The following EYS variants were observed in gnomAD, a reference collection of about 807,000 sequenced individuals.
EYS encodes EGF-like photoreceptor maintenance factor, also known as protein eyes shut homolog.
EYS carries 250 observed loss-of-function variants against 282.1 expected under a neutral mutation model. The ratio of observed to expected loss-of-function variants is 0.89; its 90% CI spans 0.80 to 0.98. The LOEUF is 0.98. EYS is among the 50% of genes least tolerant of loss of function. EYS has a pLI of 0.00. For missense variants in EYS, 4,016 were observed against 3,709.0 expected, an observed-to-expected ratio of 1.08 and a Z score of -2.15; for synonymous variants, 1,355 against 1,282.9, an observed-to-expected ratio of 1.06 and a Z score of -1.20.
At position 64,381,782 on chromosome 6, in the gene EYS, T is replaced by C. The variant is rs145941649; in HGVS notation, c.6078+6908A>G. Among the ~76,000 whole-genome samples the C allele has an allele frequency of 2.4e-3, 364 of 152,328 alleles. 2 individuals carry two copies. The highest frequency in any genetic ancestry group is 8.4e-3 in the African/African-American group (349 of 41,570). On this transcript the variant is annotated intron_variant, in intron 29 of 42. Transcript: ENST00000503581. ...TTTTAATGCAGATTTAGAAAAACTATATATGTATTAAACTTTTCCCTGCAG... is the reference window on the plus strand; with the variant it reads ...TTTTAATGCAGATTTAGAAAAACTACATATGTATTAAACTTTTCCCTGCAG...
At chr6:65,395,635 T>A (rs1310771098) in intron 7 of EYS, among the ~76,000 whole-genome samples, 1 of 152,178 alleles carries the variant, frequency 6.6e-6, no homozygotes, top group Non-Finnish European at 1.5e-5. Flanking sequence ...CAGAAGTTAT[T>A]CATCTTTTTC....
At chr6:64,093,213 C>A (rs879935704) in intron 31 of EYS, among the ~76,000 whole-genome samples, 1 of 136,870 alleles carries the variant, frequency 7.3e-6, no homozygotes, top group Non-Finnish European at 1.6e-5. Flanking sequence ...GTTCTTTTGG[C>A]TTAGGATTGA....
In EYS at chr6:64,850,470, A is replaced by G. The variant is rs1312576217; in HGVS notation, c.2993-27648T>C. Among the ~76,000 whole-genome samples the G allele has an allele frequency of 2.0e-5, 3 of 152,200 alleles. No individual in the cohort carries two copies. The South Asian group carries it at 6.2e-4, about 32-fold the overall frequency. ...CTGAAGAAGTAACTTGAAATGAGAT[A>G]TGGTAGAAGTTAATTAGGTGAATAG... On this transcript the variant is annotated intron_variant, in intron 19 of 42. Transcript: ENST00000503581.
intron 22 of EYS, among the ~76,000 whole-genome samples, chr6:64,685,068 G>T (rs1431664096): frequency 6.6e-6 from 1 of 151,910 alleles, no homozygotes; most frequent in African/African-American, 2.4e-5. Context: ...GAAAGCAAAG[G>T]TAAAAGATGA....
At chr6:65,032,677 C>CTT (rs908502663) in intron 13 of EYS, among the ~76,000 whole-genome samples, 2 of 147,154 alleles carry the variant, frequency 1.4e-5, no homozygotes, top group South Asian at 2.2e-4. Flanking sequence ...ATATCTCTCT[C>CTT]TTTTTTTTTT....
intron 1 of EYS, among the ~76,000 whole-genome samples, chr6:65,679,229 CA>C (rs34416868): frequency 0.22 from 33,764 of 151,734 alleles, 4,541 homozygotes; most frequent in African/African-American, 0.39. Context: ...CCTTTATTCA[CA>C]AAAACCAAGA....
chr6:64,711,119 G>A (rs771625799), intron 22 of EYS, among the ~76,000 whole-genome samples: 1 of 152,038 alleles, frequency 6.6e-6, no homozygotes, highest in African/African-American at 2.4e-5. Context: ...CTGTAATTAG[G>A]CGTCTCATTA....
intron 36 of EYS, among the ~76,000 whole-genome samples, chr6:63,834,300 C>A (rs1008131629): frequency 1.3e-5 from 2 of 152,134 alleles, no homozygotes; most frequent in African/African-American, 4.8e-5. Flanking sequence ...AAAATTTTTA[C>A]AATCTACCCA....
chr6:64,041,451 A>C (rs2149837524), intron 33 of EYS, among the ~76,000 whole-genome samples: 1 of 152,346 alleles, frequency 6.6e-6, no homozygotes, highest in African/African-American at 2.4e-5. Context: ...CTGAGCCAAA[A>C]GATAAGTGCT....
Position 65,057,660 on chromosome 6 carries a change from A to C in EYS, c.2091T>G (p.Ile697Met). 1 of 1,551,266 alleles carries C rather than the reference A, an allele frequency of 6.4e-7. No individual in the cohort carries two copies. The highest frequency in any genetic ancestry group is 8.7e-7 in the Non-Finnish European group (1 of 1,146,686). Residue 697 changes from isoleucine (I) to methionine (M), a missense_variant, in exon 13 of 43, where the codon ATT becomes ATG. Physicochemically the swap from Ile to Met is conservative, Grantham distance 10 (BLOSUM62 1). Coordinates refer to ENST00000503581, the MANE Select transcript of EYS (RefSeq NM_001142800.2). ...SHPCKNGATCIDQPGNYFCQC... is the reference protein window; with the variant it reads ...SHPCKNGATCMDQPGNYFCQC... ...GGCAGAAGTAATTACCAGGTTGGTC[A>C]ATGCAGGTGGCTCCATTTTTGCAGG...
intron 8 of EYS, among the ~76,000 whole-genome samples, chr6:65,381,056 G>GT (rs1765591380): frequency 6.6e-6 from 1 of 152,072 alleles, no homozygotes; most frequent in Non-Finnish European, 1.5e-5. Flanking sequence ...AAGACAGTGT[G>GT]GTGATTCCTC....
intron 31 of EYS, among the ~76,000 whole-genome samples, chr6:64,215,696 C>G (rs1765908728): frequency 6.6e-6 from 1 of 151,550 alleles, no homozygotes; most frequent in Admixed American, 6.6e-5. Flanking sequence ...AATTTTTTTT[C>G]TATATCCCAG....
At chr6:63,951,639 C>T (rs191998967) in intron 35 of EYS, among the ~76,000 whole-genome samples, 63 of 152,256 alleles carry the variant, frequency 4.1e-4, no homozygotes, top group African/African-American at 1.5e-3. Context: ...ACCCTATAAT[C>T]CTTTTATCTC....
chr6:65,050,548 A>G (rs529873220), intron 13 of EYS, among the ~76,000 whole-genome samples: 2 of 151,700 alleles, frequency 1.3e-5, no homozygotes, highest in South Asian at 2.1e-4. Flanking sequence ...AATATTCTAA[A>G]TTGATCTGGA....
chr6:64,770,871 C>T (rs1041430839), intron 22 of EYS, among the ~76,000 whole-genome samples: 3 of 151,732 alleles, frequency 2.0e-5, no homozygotes, highest in Non-Finnish European at 4.4e-5. Flanking sequence ...TACAGCACAG[C>T]AGAAGTTTGT....
Position 64,081,938 on chromosome 6 carries a change from A to T in EYS, c.6489T>A (p.Phe2163Leu). The change falls in exon 32 of 43, where the codon TTT becomes TTA. Residue 2163 changes from phenylalanine (F) to leucine (L), a missense_variant. Phe to Leu is a conservative substitution (Grantham distance 22, BLOSUM62 0). Coordinates refer to ENST00000503581, the MANE Select transcript of EYS (RefSeq NM_001142800.2). ...TTCTGTTATGTTCCTTCTCCAGGAC[A>T]AACTTCAAAAAGGGCAGTTCTAAAT... The part of the protein sequence containing the change: ...NSYLELPFLK[F>L]VLEKEHNRTV... 1.3e-6 allele frequency: 2 copies of T among 1,545,736 alleles called. No individual in the cohort carries two copies. Among genetic ancestry groups the T allele is most frequent in the Non-Finnish European group, 1.8e-6 (2 of 1,142,086 alleles).
intron 12 of EYS, among the ~76,000 whole-genome samples, chr6:65,236,324 A>C (rs917222531): frequency 6.6e-6 from 1 of 152,176 alleles, no homozygotes; most frequent in Non-Finnish European, 1.5e-5. Flanking sequence ...TAAAACCCGT[A>C]AAATGGGTCT....
intron 33 of EYS, among the ~76,000 whole-genome samples, chr6:64,007,522 T>A (rs915599895): frequency 4.6e-5 from 7 of 152,132 alleles, no homozygotes; most frequent in Non-Finnish European, 2.9e-5. Context: ...TTATTTCTTG[T>A]CTTCTGCTAG....
chr6:64,009,776 C>T (rs1768520622), intron 33 of EYS, among the ~76,000 whole-genome samples: 1 of 152,144 alleles, frequency 6.6e-6, no homozygotes, highest in Non-Finnish European at 1.5e-5. Context: ...AAAACCAGTT[C>T]AGTTTTTGGA....
Sources: allele counts gnomAD v4.1 joint callset (sites outside exome capture counted in the v4.1 genomes callset), GRCh38; gene constraint gnomAD v4.1.1; transcripts MANE v1.5; gene names NCBI Gene and HGNC (gene_info 2026-07-23, HGNC 2026-07-21).